Variants in PPHLN1 observed in about 807,000 individuals in gnomAD.
The protein encoded by PPHLN1 is periphilin-1.
In PPHLN1, 29 loss-of-function variants were observed where a neutral mutation model predicts 51.3. The ratio of observed to expected loss-of-function variants is 0.57; its 90% CI spans 0.42 to 0.77. The LOEUF is 0.77. Ranked by LOEUF, PPHLN1 falls within the 30% of genes least tolerant of loss-of-function variation. The pLI is 0.00. For missense variants in PPHLN1, 436 were observed against 438.4 expected, an observed-to-expected ratio of 0.99 and a Z score of 0.05; for synonymous variants, 147 against 147.8, an observed-to-expected ratio of 0.99 and a Z score of 0.04.
At chr12:42,443,333 G>GT (rs1280620628), downstream of PPHLN1, 5 of 152,550 alleles carry the variant, frequency 3.3e-5, no homozygotes, top group East Asian at 9.6e-4. Context: ...AGGCAATCAA[G>GT]TATATGAACC....
At chr12:42,443,052 GCC>G, downstream of PPHLN1, 1 of 251,596 alleles carries the variant, frequency 4.0e-6, no homozygotes, top group South Asian at 6.4e-5. Flanking sequence ...AACGTTATGG[GCC>G]TTAGTTAAGG....
intron 5 of PPHLN1, among the ~76,000 whole-genome samples, chr12:42,378,607 T>G (rs984807760): frequency 1.3e-5 from 2 of 152,142 alleles, no homozygotes; most frequent in Non-Finnish European, 2.9e-5. Context: ...AAAATTAATT[T>G]TTTCCTTTTT....
intron 1 of PPHLN1, chr12:42,329,905 A>C (rs1385741829): frequency 1.3e-5 from 2 of 152,176 alleles, no homozygotes; most frequent in Non-Finnish European, 2.9e-5. Context: ...ACCAACACTT[A>C]GCATATGGAG....
chr12:42,379,307 T>C (rs1167810051), intron 5 of PPHLN1, among the ~76,000 whole-genome samples: 1 of 152,056 alleles, frequency 6.6e-6, no homozygotes, highest in African/African-American at 2.4e-5. Flanking sequence ...ATGTAGCTCA[T>C]TCTTTATAAA....
chr12:42,428,966 T>A (rs1290110915), intron 9 of PPHLN1, among the ~76,000 whole-genome samples: 1 of 152,070 alleles, frequency 6.6e-6, no homozygotes, highest in Non-Finnish European at 1.5e-5. Context: ...AGCCTACTCC[T>A]CCTTGCTTTT....
intron 7 of PPHLN1, among the ~76,000 whole-genome samples, chr12:42,391,497 G>A (rs2139151014): frequency 1.3e-5 from 2 of 152,230 alleles, no homozygotes; most frequent in Middle Eastern, 6.8e-3. Context: ...GCCCGCCTCA[G>A]CCTCCCAAAG....
At position 42,343,030 on chromosome 12, in the gene PPHLN1, G is replaced by C. The variant is rs562513347; in HGVS notation, c.72+7056G>C. ...AATATCTGAGCCTTTATAGGGAATA[G>C]ATGGGATGCATATCAGTTCCACCTG... On this transcript the variant is annotated intron_variant, in intron 2 of 9. Coordinates refer to ENST00000358314, the MANE Select transcript of PPHLN1 (RefSeq NM_201439.2). 2.0e-3 allele frequency among the ~76,000 whole-genome samples: 312 copies of C among 152,230 alleles called. 1 individual carries two copies. Among genetic ancestry groups the C allele is most frequent in the African/African-American group, 7.1e-3 (295 of 41,546 alleles).
chr12:42,414,720 G>A (rs141601532), intron 9 of PPHLN1, among the ~76,000 whole-genome samples: 58 of 152,214 alleles, frequency 3.8e-4, no homozygotes, highest in African/African-American at 9.9e-4. Flanking sequence ...CATCGTTGAC[G>A]AACAGCAATA....
intron 9 of PPHLN1, among the ~76,000 whole-genome samples, chr12:42,419,387 A>G (rs887555627): frequency 4.4e-5 from 2 of 45,428 alleles, no homozygotes; most frequent in African/African-American, 1.3e-4. Context: ...GATTACAGGC[A>G]CCCACCACCA....
intron 4 of PPHLN1, among the ~76,000 whole-genome samples, chr12:42,373,180 C>A (rs555225293): frequency 6.6e-6 from 1 of 152,322 alleles, no homozygotes; most frequent in Non-Finnish European, 1.5e-5. Flanking sequence ...ACATTTGGCT[C>A]ACCATTGGGT....
chr12:42,393,449 C>CA, intron 7 of PPHLN1, 121 bp from the exon 8 acceptor site: 1 of 927,198 alleles, frequency 1.1e-6, no homozygotes, highest in Non-Finnish European at 1.6e-6. Flanking sequence ...AAGAATGTAC[C>CA]TGTTCTCCAT....
intron 3 of PPHLN1, 144 bp downstream of exon 3, chr12:42,352,193 G>T: frequency 1.4e-6 from 1 of 711,250 alleles, no homozygotes; most frequent in Non-Finnish European, 2.0e-6. Flanking sequence ...TGCTGGAGCT[G>T]TCAGATGGGA....
intron 9 of PPHLN1, among the ~76,000 whole-genome samples, chr12:42,422,943 G>A (rs1176631270): frequency 1.3e-5 from 2 of 152,120 alleles, no homozygotes; most frequent in African/African-American, 4.8e-5. Context: ...AAATTTAATA[G>A]CACTGTGCTT....
intron 1 of PPHLN1, among the ~76,000 whole-genome samples, 181 bp downstream of exon 1, chr12:42,326,410 T>C (rs1335307578): frequency 1.3e-5 from 2 of 152,038 alleles, no homozygotes; most frequent in East Asian, 3.9e-4. Context: ...TAAAGGGAAG[T>C]ATTGAGTCTA....
chr12:42,399,114 T>TA lies in PPHLN1; in HGVS notation c.909+126dup, dbSNP rs1429237509. 6 of 1,437,874 alleles carry TA rather than the reference T, an allele frequency of 4.2e-6. No individual in the cohort carries two copies. The African/African-American group carries it at 8.6e-5, about 21-fold the overall frequency. The allele number at this position is 1,437,874 out of a possible 1,614,324, so 89.1% of individuals were successfully genotyped here. On this transcript the variant is annotated intron_variant, in intron 9 of 9. Transcript: ENST00000358314. ...CACCTGTAACTCTAAAACTACAACTTAAAAAATTATAAAAATTGTTTGAGT... is the reference window on the plus strand; with the variant it reads ...CACCTGTAACTCTAAAACTACAACTTAAAAAAATTATAAAAATTGTTTGAGT...
chr12:42,383,575 G>GAA (rs2076933255), intron 5 of PPHLN1, among the ~76,000 whole-genome samples: 1 of 152,302 alleles, frequency 6.6e-6, no homozygotes, highest in Non-Finnish European at 1.5e-5. Context: ...CTGAACAGTT[G>GAA]CTATAGGTGA....
chr12:42,343,839 T>C, intron 2 of PPHLN1: 1 of 432,442 alleles, frequency 2.3e-6, no homozygotes. Context: ...TTTTTATGTT[T>C]TTGACACACT....
chr12:42,413,524 A>ATGTGTG lies in PPHLN1; in HGVS notation c.909+14531_909+14532insGTGTGT, dbSNP rs1397983458. Among the ~76,000 whole-genome samples the ATGTGTG allele has an allele frequency of 7.1e-3, 843 of 119,026 alleles. 7 individuals are homozygous for ATGTGTG. Among genetic ancestry groups the ATGTGTG allele is most frequent in the Non-Finnish European group, 0.012 (686 of 55,810 alleles). 78.1% of individuals were successfully genotyped at this position (119,026 alleles called of 152,430 possible). A position where few individuals can be genotyped will look rare whatever the true frequency, so the allele number is the denominator to read the frequency against. ...GCTGTTTTGATAACTATATATATGT[A>ATGTGTG]TATGTGTGTGTGTGTGTGTGTGTGT... On this transcript the variant is annotated intron_variant, in intron 9 of 9. Transcript: ENST00000358314.
intron 2 of PPHLN1, among the ~76,000 whole-genome samples, chr12:42,341,633 TA>T (rs1473890659): frequency 3.3e-5 from 5 of 152,050 alleles, no homozygotes; most frequent in African/African-American, 1.2e-4. Flanking sequence ...TTATTATTAT[TA>T]TTTTTTGAGG....
Sources: allele counts gnomAD v4.1 joint callset (sites outside exome capture counted in the v4.1 genomes callset), GRCh38; gene constraint gnomAD v4.1.1; transcripts MANE v1.5; gene names NCBI Gene and HGNC (gene_info 2026-07-23, HGNC 2026-07-21).